Variants in DNAH6 observed in about 807,000 individuals in gnomAD.
The protein encoded by DNAH6 is axonemal beta dynein heavy chain 6.
A neutral mutation model predicts 491.4 loss-of-function variants in DNAH6; 340 were observed. The observed-to-expected ratio is 0.69, with a 90% CI of 0.63 to 0.76. DNAH6 has a LOEUF of 0.76. Among genes scored for constraint, DNAH6 ranks in the 30% least tolerant of loss-of-function variants. The pLI, the probability that DNAH6 is intolerant of heterozygous loss-of-function variation, is 0.00. For missense variants in DNAH6, 4,443 were observed against 4,972.2 expected (o/e 0.89, Z 3.20); for synonymous variants, 1,603 against 1,686.1 (o/e 0.95, Z 1.21).
At chr2:84,543,383 G>A (rs1421515962) in intron 4 of DNAH6, among the ~76,000 whole-genome samples, 1 of 152,066 alleles carries the variant, frequency 6.6e-6, no homozygotes, top group African/African-American at 2.4e-5. Flanking sequence ...GTTTTACTAA[G>A]CTCTCCTAAC....
chr2:84,482,703 A>G, the DNAH6 span, among the ~76,000 whole-genome samples: 1 of 152,232 alleles, frequency 6.6e-6, no homozygotes, highest in East Asian at 1.9e-4. Context: ...GTGACTTATC[A>G]GGGCCTAGCA....
chr2:84,488,928 A>G, the DNAH6 span, among the ~76,000 whole-genome samples: 133,896 of 151,842 alleles, frequency 0.88, 59,936 homozygotes, highest in East Asian at 1. Flanking sequence ...AATGTAGATG[A>G]TGAGTGGCAG....
Position 84,607,085 on chromosome 2 carries a change from A to G in DNAH6, c.3284A>G (p.Asn1095Ser). The change falls in exon 21 of 77, where the codon AAT becomes AGT. Residue 1095 changes from asparagine (N) to serine (S), a missense_variant. Physicochemically the swap from Asn to Ser is conservative, Grantham distance 46. This residue lies in a region of DNAH6 where 2,977 missense variants were observed against 3,296.6 expected (regional missense o/e 0.90). Transcript: ENST00000389394. ...TGGCAAAAACAACTTGCTTTATTTA[A>G]TCAAACACTGGTGAGTAAGAATAAT... ...DEWQKQLALF[N>S]QTLEEWLTCQ... The G allele has an allele frequency of 1.3e-6, 2 of 1,551,364 alleles. No individual in the cohort carries two copies. Among genetic ancestry groups the G allele is most frequent in the Non-Finnish European group, 8.7e-7 (1 of 1,146,678 alleles).
intron 65 of DNAH6, among the ~76,000 whole-genome samples, chr2:84,782,208 A>G (rs1676761311): frequency 6.6e-6 from 1 of 152,190 alleles, no homozygotes; most frequent in Non-Finnish European, 1.5e-5. Context: ...AACGGGCTGC[A>G]AAGAGAGGAA....
intron 3 of DNAH6, among the ~76,000 whole-genome samples, chr2:84,526,905 A>G (rs750901479): frequency 5.3e-5 from 8 of 152,142 alleles, no homozygotes; most frequent in African/African-American, 1.7e-4. Flanking sequence ...GAGAACGTGT[A>G]TAGACATCTG....
intron 76 of DNAH6, among the ~76,000 whole-genome samples, chr2:84,818,688 G>A (rs1052435733): frequency 6.6e-6 from 1 of 151,990 alleles, no homozygotes; most frequent in Non-Finnish European, 1.5e-5. Context: ...ACAAGGGGGC[G>A]GCAAAAGAAG....
chr2:84,514,542 G>T (rs1675459779), upstream of DNAH6, among the ~76,000 whole-genome samples: 1 of 152,150 alleles, frequency 6.6e-6, no homozygotes, highest in Admixed American at 6.6e-5. Context: ...GTAACCATTT[G>T]TAACCTACTT....
At chr2:84,666,793 C>G in intron 37 of DNAH6, among the ~76,000 whole-genome samples, 1 of 152,184 alleles carries the variant, frequency 6.6e-6, no homozygotes, top group South Asian at 2.1e-4. Context: ...ATTGCCAAGA[C>G]AATCCTAAGC....
At chr2:84,464,979 T>A in the DNAH6 span, among the ~76,000 whole-genome samples, 70 of 152,042 alleles carry the variant, frequency 4.6e-4, no homozygotes, top group Non-Finnish European at 8.5e-4. Context: ...CTCCCTTTTA[T>A]AAGAGAACCC....
intron 35 of DNAH6, among the ~76,000 whole-genome samples, chr2:84,657,918 A>G (rs903739718): frequency 6.6e-6 from 1 of 152,048 alleles, no homozygotes; most frequent in African/African-American, 2.4e-5. Flanking sequence ...TTTCTACCTT[A>G]CATAGATACT....
At chr2:84,633,316 C>A (rs980721184) in intron 29 of DNAH6, among the ~76,000 whole-genome samples, 14 of 152,104 alleles carry the variant, frequency 9.2e-5, no homozygotes, top group African/African-American at 3.4e-4. Context: ...ATTAATATCT[C>A]CCCAAGGCAG....
intron 15 of DNAH6, among the ~76,000 whole-genome samples, chr2:84,585,323 A>C (rs933503147): frequency 6.6e-6 from 1 of 152,048 alleles, no homozygotes; most frequent in Admixed American, 6.6e-5. Flanking sequence ...TTGGGGTGTC[A>C]TTTTTCTGGC....
chr2:84,816,643 A>AG (rs1680515280), intron 76 of DNAH6, among the ~76,000 whole-genome samples: 1 of 152,228 alleles, frequency 6.6e-6, no homozygotes, highest in Non-Finnish European at 1.5e-5. Flanking sequence ...GAATCACTTG[A>AG]ACCTGGGAGG....
intron 37 of DNAH6, among the ~76,000 whole-genome samples, chr2:84,664,059 G>T (rs1021522638): frequency 6.6e-6 from 1 of 152,154 alleles, no homozygotes; most frequent in African/African-American, 2.4e-5. Context: ...GAGAGATTTT[G>T]TCACCACCAG....
At chr2:84,814,143 A>G (rs1330703566) in intron 75 of DNAH6, 21 bp downstream of exon 75, 2 of 1,547,732 alleles carry the variant, frequency 1.3e-6, no homozygotes, top group African/African-American at 2.7e-5. Context: ...CCTGGCTGTT[A>G]TGGCAAAGCA....
the DNAH6 span, among the ~76,000 whole-genome samples, chr2:84,461,916 C>T: frequency 6.6e-6 from 1 of 152,110 alleles, no homozygotes; most frequent in Non-Finnish European, 1.5e-5. Flanking sequence ...AATTCTCACC[C>T]CCACATCCCA....
intron 55 of DNAH6, among the ~76,000 whole-genome samples, chr2:84,709,769 G>T (rs775375671): frequency 4.6e-5 from 7 of 152,180 alleles, no homozygotes; most frequent in Non-Finnish European, 1.0e-4. Flanking sequence ...ACTTGATTTT[G>T]ATTGGTTTTG....
At chr2:84,694,629 T>C (rs1695207299) in intron 46 of DNAH6, 149 bp downstream of exon 46, 3 of 606,668 alleles carry the variant, frequency 4.9e-6, no homozygotes, top group South Asian at 4.4e-5. Context: ...ACTTTTATAA[T>C]ACATTTTTAT....
intron 48 of DNAH6, 114 bp from the exon 49 acceptor site, chr2:84,700,983 G>A: frequency 2.5e-6 from 3 of 1,219,948 alleles, no homozygotes; most frequent in Non-Finnish European, 3.4e-6. Context: ...AGTTAACTAG[G>A]TGAAGAGGGG....
Sources: gnomAD v4.1 joint callset for allele counts (sites outside exome capture counted in the v4.1 genomes callset) on GRCh38, gnomAD v4.1.1 for gene constraint, gnomAD v4.1.1 regional missense constraint, MANE v1.5 for transcripts, NCBI Gene and HGNC (gene_info 2026-07-23, HGNC 2026-07-21) for gene names.